Variants in NUP98 observed in about 807,000 individuals in gnomAD.
NUP98 encodes the protein nucleoporin 98 and 96 precursor.
A neutral mutation model predicts 191.9 loss-of-function variants in NUP98; 26 were observed. The observed-to-expected ratio is 0.14, with a 90% CI of 0.10 to 0.19. The LOEUF is 0.19. Ranked by LOEUF, NUP98 falls within the 10% of genes least tolerant of loss-of-function variation. The pLI, the probability that NUP98 is intolerant of heterozygous loss-of-function variation, is 1.00. For synonymous variants in NUP98, 808 were observed against 778.4 expected (o/e 1.04, Z -0.63); for missense variants, 1,941 against 2,178.8 (o/e 0.89, Z 2.17).
intron 30 of NUP98, among the ~76,000 whole-genome samples, chr11:3,680,605 G>A (rs926515871): frequency 5.3e-5 from 8 of 152,104 alleles, no homozygotes; most frequent in South Asian, 2.1e-4. Context: ...ACAGTGGCAC[G>A]ATCTTGGCTC....
Position 3,735,239 on chromosome 11 carries a change from G to T in NUP98, c.1494C>A (p.Asp498Glu). ...INSLTYSPFG[D>E]SPLFRNPMSD... ...ACATCGGATTCCGGAAGAGAGGAGAGTCTCCAAAAGGTGAGTATGTTAGAC... is the reference window on the plus strand; with the variant it reads ...ACATCGGATTCCGGAAGAGAGGAGATTCTCCAAAAGGTGAGTATGTTAGAC... The change falls in exon 13 of 33, where the codon GAC becomes GAA. Residue 498 changes from aspartate (D) to glutamate (E), a missense_variant. Asp to Glu is a conservative substitution (Grantham distance 45). Transcript: ENST00000324932. 1 of 1,601,588 alleles carries T rather than the reference G, an allele frequency of 6.2e-7. No individual in the cohort carries two copies. The highest frequency in any genetic ancestry group is 8.5e-7 in the Non-Finnish European group (1 of 1,172,376).
chr11:3,776,297 T>C (rs1445756210), intron 4 of NUP98, among the ~76,000 whole-genome samples: 2 of 151,122 alleles, frequency 1.3e-5, no homozygotes, highest in African/African-American at 2.4e-5. Flanking sequence ...AATTTTTTTT[T>C]TAATTTTTGT....
intron 6 of NUP98, 145 bp from the exon 7 acceptor site, chr11:3,772,073 T>C (rs1051760632): frequency 1.4e-5 from 9 of 646,930 alleles, no homozygotes; most frequent in Non-Finnish European, 2.3e-5. Context: ...AATGACATTA[T>C]ATCATTACAG....
chr11:3,772,017 T>C, intron 6 of NUP98, 89 bp from the exon 7 acceptor site: 2 of 1,110,916 alleles, frequency 1.8e-6, no homozygotes, highest in Non-Finnish European at 2.6e-6. Flanking sequence ...AGTATTCAAG[T>C]TCTATGTTCA....
chr11:3,706,694 A>T, intron 20 of NUP98, 67 bp from the exon 21 acceptor site: 1 of 1,404,944 alleles, frequency 7.1e-7, no homozygotes, highest in African/African-American at 1.4e-5. Context: ...ATTCTAAATC[A>T]GATTTACTTT....
In NUP98 at chr11:3,719,425, C is replaced by G. The variant is rs771685999; in HGVS notation, c.2386G>C (p.Glu796Gln). 1 of 1,596,130 alleles carries G rather than the reference C, an allele frequency of 6.3e-7. No individual in the cohort carries two copies. The highest frequency in any genetic ancestry group is 1.2e-5 in the South Asian group (1 of 86,888). Reference sequence around the variant, plus strand: ...ATAAACTCTTACCTATTTAGCCCTTCACCCACAGGTGGTTTTTGGTTATCA... The same window carrying G: ...ATAAACTCTTACCTATTTAGCCCTTGACCCACAGGTGGTTTTTGGTTATCA... Reference protein sequence around the residue: ...LDDNQKPPVGEGLNRKAEVTL... With the variant: ...LDDNQKPPVGQGLNRKAEVTL... The change falls in exon 18 of 33, where the codon GAA becomes CAA. Residue 796 changes from glutamate (E) to glutamine (Q), a missense_variant. By Grantham distance (29) the Glu-to-Gln change is conservative. This residue lies in a region of NUP98 where 95 missense variants were observed against 139.7 expected (regional missense o/e 0.68). Coordinates refer to ENST00000324932, the MANE Select transcript of NUP98 (RefSeq NM_016320.5).
At chr11:3,757,448 C>T (rs759285239) in intron 10 of NUP98, among the ~76,000 whole-genome samples, 5 of 151,592 alleles carry the variant, frequency 3.3e-5, no homozygotes, top group Non-Finnish European at 5.9e-5. Flanking sequence ...GATCACACCA[C>T]TACACTCGAG....
At chr11:3,760,775 A>C (rs552660479) in intron 9 of NUP98, 149 bp from the exon 10 acceptor site, 2 of 598,402 alleles carry the variant, frequency 3.3e-6, no homozygotes, top group African/African-American at 3.7e-5. Context: ...AGATGAATAA[A>C]GGCTATCAAA....
intron 12 of NUP98, among the ~76,000 whole-genome samples, chr11:3,739,527 G>T (rs1176365468): frequency 6.6e-6 from 1 of 152,124 alleles, no homozygotes; most frequent in African/African-American, 2.4e-5. Flanking sequence ...GATTACAGGC[G>T]TGAGGCACCG....
chr11:3,725,033 T>G, intron 15 of NUP98, 70 bp downstream of exon 15: 3 of 693,324 alleles, frequency 4.3e-6, no homozygotes, highest in Non-Finnish European at 7.5e-6. Flanking sequence ...TTTCATAAAT[T>G]CCTAAGAATG....
intron 13 of NUP98, 140 bp from the exon 14 acceptor site, chr11:3,731,718 A>C: frequency 1.9e-6 from 1 of 516,070 alleles, no homozygotes; most frequent in Non-Finnish European, 3.2e-6. Flanking sequence ...GTTCCCATAA[A>C]ACAAGGATGT....
Position 3,679,632 on chromosome 11 carries a change from T to G in NUP98, c.4995A>C (p.Leu1665=). ...GCCCAGATGTTTCCCAATCCTGAAT[T>G]AGGCTGCTGCGCTCTGGAGGTGCCA... ...EDLAPPERSS[L]IQDWETSGLV... The change falls in exon 31 of 33, where the codon CTA becomes CTC. Residue 1665 remains leucine (L), a synonymous_variant. Transcript: ENST00000324932. 6.2e-7 allele frequency: 1 copy of G among 1,614,212 alleles called. No homozygotes were observed. The highest frequency in any genetic ancestry group is 8.5e-7 in the Non-Finnish European group (1 of 1,180,026).
Position 3,706,640 on chromosome 11 carries a change from G to C in NUP98, c.2743-13C>G, listed in dbSNP as rs565232317. 24 of 1,608,252 alleles carry C rather than the reference G, an allele frequency of 1.5e-5. No homozygotes were observed. The highest frequency in any genetic ancestry group is 1.9e-4 in the Middle Eastern group (1 of 5,288). On this transcript the variant is annotated splice_polypyrimidine_tract_variant and intron_variant, in intron 20 of 32. Transcript: ENST00000324932. ...CTGGGCTCTGGCTCTGTAGACAGCA[G>C]AAAGATCAGGAAAGCAGCATTAAAT...
chr11:3,738,087 CAA>C (rs61502115), intron 12 of NUP98, among the ~76,000 whole-genome samples: 14 of 69,746 alleles, frequency 2.0e-4, no homozygotes, highest in African/African-American at 6.0e-4. Flanking sequence ...TGGGCGTTCT[CAA>C]AAAAAAAAAA....
At chr11:3,722,868 C>T (rs972272661) in intron 16 of NUP98, among the ~76,000 whole-genome samples, 1 of 152,006 alleles carries the variant, frequency 6.6e-6, no homozygotes, top group African/African-American at 2.4e-5. Flanking sequence ...GTTTACAAAG[C>T]CAGGGAAAAT....
intron 11 of NUP98, among the ~76,000 whole-genome samples, chr11:3,752,071 G>A (rs1185908876): frequency 6.6e-6 from 1 of 150,908 alleles, no homozygotes; most frequent in Non-Finnish European, 1.5e-5. Context: ...AGCTACTCGG[G>A]AAGTGGAGGT....
intron 1 of NUP98, among the ~76,000 whole-genome samples, chr11:3,787,333 G>A (rs1172734651): frequency 1.3e-5 from 2 of 151,776 alleles, no homozygotes; most frequent in Admixed American, 6.6e-5. Context: ...TGTAATCCCG[G>A]CACTTTGGAA....
At chr11:3,719,784 T>A (rs2079324554) in intron 17 of NUP98, among the ~76,000 whole-genome samples, 1 of 151,522 alleles carries the variant, frequency 6.6e-6, no homozygotes, top group South Asian at 2.1e-4. Context: ...TTTTTTTTTT[T>A]GGCAAGGTCT....
In NUP98 at chr11:3,780,103, T is replaced by C. The variant is rs551393333; in HGVS notation, c.77-846A>G. Among the ~76,000 whole-genome samples, 15 of 152,280 alleles carry C rather than the reference T, an allele frequency of 9.9e-5. No individual in the cohort carries two copies. The South Asian group carries it at 2.5e-3, about 25-fold the overall frequency. On this transcript the variant is annotated intron_variant, in intron 2 of 32. Coordinates refer to ENST00000324932, the MANE Select transcript of NUP98 (RefSeq NM_016320.5). ...TTCAACTCCAGAGATTCTAATTCCA[T>C]AGTTTTTGATGAGAGATACATATTT...
Sources: gnomAD v4.1 joint callset for allele counts (sites outside exome capture counted in the v4.1 genomes callset) on GRCh38, gnomAD v4.1.1 for gene constraint, gnomAD v4.1.1 regional missense constraint, MANE v1.5 for transcripts, NCBI Gene and HGNC (gene_info 2026-07-23, HGNC 2026-07-21) for gene names.